ZBTB20: variants seen among roughly 807,000 people sequenced by gnomAD.
ZBTB20 encodes zinc finger and BTB domain containing 20.
Under a neutral mutation model 56.9 loss-of-function variants are expected in ZBTB20, and 9 were observed. The ratio of observed to expected loss-of-function variants is 0.16; its 90% CI spans 0.10 to 0.28. The LOEUF (loss-of-function observed/expected upper bound fraction) is 0.28, where lower values mean the gene tolerates loss of function less well. Among genes scored for constraint, ZBTB20 ranks in the 10% least tolerant of loss-of-function variants. ZBTB20 has a pLI of 1.00. For synonymous variants in ZBTB20, 417 were observed against 420.7 expected, an observed-to-expected ratio of 0.99 and a Z score of 0.11; for missense variants, 655 against 1,003.0, an observed-to-expected ratio of 0.65 and a Z score of 4.69.
At chr3:115,021,660 A>T (rs2108304834) in intron 2 of ZBTB20, among the ~76,000 whole-genome samples, 1 of 150,842 alleles carries the variant, frequency 6.6e-6, no homozygotes, top group East Asian at 2.0e-4. Context: ...TGAGTTCTGT[A>T]AAAAGGATCC....
At chr3:114,450,586 T>C (rs1251323263) in intron 7 of ZBTB20, among the ~76,000 whole-genome samples, 1 of 152,124 alleles carries the variant, frequency 6.6e-6, no homozygotes, top group East Asian at 1.9e-4. Context: ...CTAAAAACTA[T>C]GGGTTTAAAG....
rs180936761 is a variant in ZBTB20 at position 114,542,894 on chromosome 3, T to C, written c.-294-42503A>G. ...CACATTCACAACCAAAATTTGTTCC[T>C]GGGAGTACTATAATACGATGCAACA... On this transcript the variant is annotated intron_variant, in intron 6 of 11. Transcript: ENST00000675478. 1.7e-3 allele frequency among the ~76,000 whole-genome samples: 252 copies of C among 152,308 alleles called. 4 individuals are homozygous for C. The highest frequency in any genetic ancestry group is 7.9e-4 in the Non-Finnish European group (54 of 68,018).
Position 114,954,700 on chromosome 3 carries a change from T to C in ZBTB20, c.-456+19666A>G, listed in dbSNP as rs183234567. Among the ~76,000 whole-genome samples, 150 of 152,278 alleles carry C rather than the reference T, an allele frequency of 9.9e-4. 2 individuals are homozygous for C. Among genetic ancestry groups the C allele is most frequent in the Admixed American group, 7.7e-3 (117 of 15,290 alleles). On this transcript the variant is annotated intron_variant, in intron 3 of 11. Coordinates refer to ENST00000675478, the MANE Select transcript of ZBTB20 (RefSeq NM_001348800.3). ...TGAGAACACTGAGAATAAGTGAAAG[T>C]TGAATTGTCACTGGTTTCTTCTAAG...
In ZBTB20 at chr3:114,753,413, G is replaced by GTATA. The variant is rs67371620; in HGVS notation, c.-343+47684_-343+47687dup. 4.0e-4 allele frequency among the ~76,000 whole-genome samples: 19 copies of GTATA among 47,598 alleles called. 3 individuals are homozygous for GTATA. Among genetic ancestry groups the GTATA allele is most frequent in the Admixed American group, 9.7e-4 (5 of 5,130 alleles). The allele number at this position is 47,598 out of a possible 152,430, so 31.2% of individuals were successfully genotyped here. On this transcript the variant is annotated intron_variant, in intron 5 of 11. Coordinates refer to ENST00000675478, the MANE Select transcript of ZBTB20 (RefSeq NM_001348800.3). ...CATGTATGTATATATATACACACAC[G>GTATA]TATATATATATATATATATACACAC...
chr3:114,971,769 C>A (rs1026244881), intron 3 of ZBTB20, among the ~76,000 whole-genome samples: 1 of 152,128 alleles, frequency 6.6e-6, no homozygotes. Context: ...CAGTGATCAG[C>A]TAAGATGGAA....
intron 5 of ZBTB20, among the ~76,000 whole-genome samples, chr3:114,753,323 ACCTG>A (rs1413871917): frequency 4.3e-5 from 6 of 139,020 alleles, no homozygotes; most frequent in East Asian, 2.0e-4. Flanking sequence ...ATATATGTAT[ACCTG>A]TATATATAAT....
chr3:114,863,512 G>A (rs1006293577), intron 4 of ZBTB20, among the ~76,000 whole-genome samples: 4 of 152,098 alleles, frequency 2.6e-5, no homozygotes, highest in African/African-American at 9.7e-5. Flanking sequence ...TTTGGTAAGA[G>A]TTTGCAACTC....
intron 1 of ZBTB20, among the ~76,000 whole-genome samples, chr3:115,124,181 AG>A (rs1251067693): frequency 2.0e-5 from 3 of 152,236 alleles, no homozygotes; most frequent in African/African-American, 7.2e-5. Flanking sequence ...GTTGCTAAAA[AG>A]TAATGTAAGT....
chr3:114,566,768 G>C (rs186191227), intron 6 of ZBTB20, among the ~76,000 whole-genome samples: 21 of 152,254 alleles, frequency 1.4e-4, no homozygotes, highest in African/African-American at 5.1e-4. Context: ...CAGCCTTTGA[G>C]ATGCAAAATG....
At chr3:115,060,091 T>C (rs2081962372) in intron 2 of ZBTB20, among the ~76,000 whole-genome samples, 1 of 152,186 alleles carries the variant, frequency 6.6e-6, no homozygotes, top group Non-Finnish European at 1.5e-5. Flanking sequence ...GGCATACCTA[T>C]ATTTTAGCCA....
rs972961966 is a variant in ZBTB20, at chr3:114,510,065, A to C, written c.-294-9674T>G. The stretch of plus-strand genomic sequence containing the variant: ...AATACCGTGAAACACAATTACGAAA[A>C]TATAAAGTATTCACCCATACTTTGG... On this transcript the variant is annotated intron_variant, in intron 6 of 11. Transcript: ENST00000675478. Among the ~76,000 whole-genome samples the C allele has an allele frequency of 3.9e-5, 6 of 152,182 alleles. 1 individual carries two copies. Among genetic ancestry groups the C allele is most frequent in the Admixed American group, 1.3e-4 (2 of 15,272 alleles).
intron 4 of ZBTB20, among the ~76,000 whole-genome samples, chr3:114,898,700 T>C (rs2074986337): frequency 6.6e-6 from 1 of 152,146 alleles, no homozygotes; most frequent in Admixed American, 6.6e-5. Context: ...TGTTTCCTAC[T>C]TCCAAAGAGG....
chr3:114,838,432 T>C (rs1285959135), intron 4 of ZBTB20, among the ~76,000 whole-genome samples: 1 of 152,190 alleles, frequency 6.6e-6, no homozygotes, highest in African/African-American at 2.4e-5. Context: ...TATATTTATG[T>C]AAAGTTTTGA....
chr3:114,415,195 AG>A (rs1275604161), intron 7 of ZBTB20, among the ~76,000 whole-genome samples: 1 of 152,168 alleles, frequency 6.6e-6, no homozygotes, highest in African/African-American at 2.4e-5. Context: ...AACAAGGCAT[AG>A]GGATGTGGCA....
At chr3:114,474,040 G>A (rs1488296081) in intron 7 of ZBTB20, among the ~76,000 whole-genome samples, 1 of 152,218 alleles carries the variant, frequency 6.6e-6, no homozygotes, top group Non-Finnish European at 1.5e-5. Context: ...AGAGAAGAGA[G>A]AGCTTATGCA....
chr3:114,859,545 G>A (rs1183267319), intron 4 of ZBTB20, among the ~76,000 whole-genome samples: 1 of 147,262 alleles, frequency 6.8e-6, no homozygotes, highest in African/African-American at 2.5e-5. Flanking sequence ...GCTAACTTAG[G>A]GGGAAATTTA....
At chr3:114,348,866 G>T (rs1004531138) in intron 11 of ZBTB20, among the ~76,000 whole-genome samples, 25 of 152,084 alleles carry the variant, frequency 1.6e-4, no homozygotes, top group Admixed American at 3.3e-4. Flanking sequence ...CAGAATTCGA[G>T]TATGTAACTT....
intron 6 of ZBTB20, among the ~76,000 whole-genome samples, chr3:114,532,994 C>A (rs990626255): frequency 6.6e-6 from 1 of 152,122 alleles, no homozygotes; most frequent in East Asian, 1.9e-4. Context: ...AGATCACCAG[C>A]GTCAAAGACC....
chr3:114,852,481 C>T (rs2107426602), intron 4 of ZBTB20, among the ~76,000 whole-genome samples: 1 of 152,118 alleles, frequency 6.6e-6, no homozygotes. Flanking sequence ...CCAGGCTGGT[C>T]TCAAACTCCC....
Sources: allele counts gnomAD v4.1 joint callset (sites outside exome capture counted in the v4.1 genomes callset), GRCh38; gene constraint gnomAD v4.1.1; transcripts MANE v1.5; gene names NCBI Gene and HGNC (gene_info 2026-07-23, HGNC 2026-07-21).